Variants in GADL1 observed in about 807,000 individuals in gnomAD.
GADL1 encodes the protein acidic amino acid decarboxylase GADL1.
GADL1 carries 71 observed loss-of-function variants against 69.5 expected under a neutral mutation model. The ratio of observed to expected loss-of-function variants is 1.02; its 90% confidence interval spans 0.84 to 1.25. The LOEUF is 1.25. Among genes scored for constraint, GADL1 ranks in the 50% most tolerant of loss-of-function variants. GADL1 has a pLI of 0.00. For missense variants in GADL1, 737 were observed against 631.8 expected, an observed-to-expected ratio of 1.17 and a Z score of -1.79; for synonymous variants, 254 against 214.4, an observed-to-expected ratio of 1.18 and a Z score of -1.62.
At chr3:30,854,520 G>A (rs1698198235) in intron 4 of GADL1, among the ~76,000 whole-genome samples, 179 bp downstream of exon 4, 1 of 151,964 alleles carries the variant, frequency 6.6e-6, no homozygotes, top group African/African-American at 2.4e-5. Context: ...CCATCTCACG[G>A]TACCACTATT....
intron 14 of GADL1, among the ~76,000 whole-genome samples, chr3:30,755,210 TTG>T (rs1254445329): frequency 3.3e-5 from 5 of 152,182 alleles, no homozygotes; most frequent in Admixed American, 2.0e-4. Flanking sequence ...TCATTTATAT[TTG>T]TCTTGCATGC....
In GADL1 at chr3:30,784,415, C is replaced by T. The variant is rs577303651; in HGVS notation, c.1302+1940G>A. On this transcript the variant is annotated intron_variant, in intron 13 of 14. Coordinates refer to ENST00000282538, the MANE Select transcript of GADL1 (RefSeq NM_207359.3). ...CCAGGTTGTTCTGCAGAACTTCTCG[C>T]ACTCTAAATTTGTTGTCTTTATAGT... Among the ~76,000 whole-genome samples, 225 of 152,142 alleles carry T rather than the reference C, an allele frequency of 1.5e-3. 2 individuals are homozygous for T. The highest frequency in any genetic ancestry group is 2.6e-3 in the Non-Finnish European group (175 of 67,996).
At chr3:30,819,181 ATTCT>A (rs1386904036) in intron 11 of GADL1, among the ~76,000 whole-genome samples, 2 of 145,296 alleles carry the variant, frequency 1.4e-5, no homozygotes, top group African/African-American at 5.4e-5. Flanking sequence ...GGGAGGTTCT[ATTCT>A]TTCTTGGTGC....
chr3:30,770,594 C>T (rs1483341124), intron 14 of GADL1, among the ~76,000 whole-genome samples: 3 of 133,434 alleles, frequency 2.2e-5, no homozygotes, highest in African/African-American at 1.1e-4. Context: ...CAAGTGTTTA[C>T]TGTTAGCTGT....
chr3:30,746,049 T>C (rs1478321238), intron 14 of GADL1, among the ~76,000 whole-genome samples: 1 of 150,312 alleles, frequency 6.7e-6, no homozygotes, highest in Non-Finnish European at 1.5e-5. Context: ...AGTGCCATGG[T>C]GGGGTCTTGG....
chr3:30,771,054 G>GC (rs1696409698), intron 14 of GADL1, among the ~76,000 whole-genome samples: 1 of 152,118 alleles, frequency 6.6e-6, no homozygotes, highest in South Asian at 2.1e-4. Context: ...TTAAACATGC[G>GC]CATACAACAA....
At chr3:30,794,469 C>T (rs571834815) in intron 12 of GADL1, among the ~76,000 whole-genome samples, 1 of 152,298 alleles carries the variant, frequency 6.6e-6, no homozygotes, top group East Asian at 1.9e-4. Flanking sequence ...CAGAAATGTA[C>T]AGTCACTGGC....
At chr3:30,865,756 C>G (rs945206520) in intron 1 of GADL1, among the ~76,000 whole-genome samples, 1 of 152,018 alleles carries the variant, frequency 6.6e-6, no homozygotes, top group Non-Finnish European at 1.5e-5. Context: ...CCTCTCGATT[C>G]TTGTTACCGC....
intron 1 of GADL1, among the ~76,000 whole-genome samples, chr3:30,890,264 A>G (rs1698768469): frequency 6.6e-6 from 1 of 152,190 alleles, no homozygotes; most frequent in South Asian, 2.1e-4. Context: ...TTCATGTATG[A>G]GTTTACTGAA....
At chr3:30,835,581 A>G (rs1697860680) in intron 9 of GADL1, among the ~76,000 whole-genome samples, 1 of 152,068 alleles carries the variant, frequency 6.6e-6, no homozygotes, top group Non-Finnish European at 1.5e-5. Context: ...GGTGAAGTGA[A>G]TGAGTCAGGG....
At chr3:30,729,918 C>T (rs1341182567) in intron 14 of GADL1, among the ~76,000 whole-genome samples, 1 of 152,054 alleles carries the variant, frequency 6.6e-6, no homozygotes, top group Non-Finnish European at 1.5e-5. Flanking sequence ...CTGGAAGTTT[C>T]TTACATTATC....
chr3:30,774,955 CAG>C (rs916674510), intron 14 of GADL1, among the ~76,000 whole-genome samples: 20 of 152,052 alleles, frequency 1.3e-4, no homozygotes, highest in South Asian at 8.3e-4. Flanking sequence ...TGGCAGGAGG[CAG>C]AGAGACCAGA....
At chr3:30,778,051 TAACA>T in intron 14 of GADL1, 124 bp downstream of exon 14, 1 of 600,336 alleles carries the variant, frequency 1.7e-6, no homozygotes, top group South Asian at 2.3e-5. Context: ...CATTACTTTT[TAACA>T]AACTAGAAGA....
chr3:30,861,485 G>A, intron 2 of GADL1, 108 bp downstream of exon 2: 1 of 742,098 alleles, frequency 1.3e-6, no homozygotes, highest in African/African-American at 1.8e-5. Context: ...CAAAGGCATA[G>A]AAGAAATAAA....
At chr3:30,751,337 G>A (rs1231204971) in intron 14 of GADL1, among the ~76,000 whole-genome samples, 1 of 152,018 alleles carries the variant, frequency 6.6e-6, no homozygotes, top group Non-Finnish European at 1.5e-5. Flanking sequence ...GGAGACTCTT[G>A]AGCCGCTTGC....
chr3:30,770,256 GAC>G (rs777590528), intron 14 of GADL1, among the ~76,000 whole-genome samples: 3 of 152,184 alleles, frequency 2.0e-5, no homozygotes, highest in Non-Finnish European at 2.9e-5. Context: ...TAAAATCAGA[GAC>G]ACAGTGGTAA....
intron 11 of GADL1, among the ~76,000 whole-genome samples, chr3:30,833,017 T>G (rs986626612): frequency 2.6e-5 from 4 of 152,050 alleles, no homozygotes; most frequent in African/African-American, 9.7e-5. Flanking sequence ...TTTCAAGTTT[T>G]AAAAATAGTT....
intron 14 of GADL1, among the ~76,000 whole-genome samples, chr3:30,765,084 A>G (rs1696238373): frequency 1.3e-5 from 2 of 151,844 alleles, no homozygotes; most frequent in African/African-American, 4.8e-5. Flanking sequence ...AAAACTAAAT[A>G]GCAACTTACA....
intron 14 of GADL1, among the ~76,000 whole-genome samples, chr3:30,771,116 A>G (rs982473130): frequency 6.6e-6 from 1 of 152,220 alleles, no homozygotes; most frequent in African/African-American, 2.4e-5. Context: ...CCAGTGGAGT[A>G]TATTTAGAAA....
Sources: gnomAD v4.1 joint callset for allele counts (sites outside exome capture counted in the v4.1 genomes callset) on GRCh38, gnomAD v4.1.1 for gene constraint, MANE v1.5 for transcripts, NCBI Gene and HGNC (gene_info 2026-07-23, HGNC 2026-07-21) for gene names.